Variants in MAK observed in about 807,000 individuals in gnomAD.
MAK encodes the protein male germ cell associated kinase, also known as serine/threonine-protein kinase MAK.
MAK carries 65 observed loss-of-function variants against 82.6 expected under a neutral mutation model. The ratio of observed to expected loss-of-function variants is 0.79; its 90% CI spans 0.64 to 0.97. The LOEUF is 0.97. MAK is among the 50% of genes least tolerant of loss of function. The probability of loss-of-function intolerance (pLI) is 0.00; values close to 1 mark genes in which losing one functional copy is unlikely to be tolerated. For synonymous variants in MAK, 250 were observed against 274.2 expected, an observed-to-expected ratio of 0.91 and a Z score of 0.87; for missense variants, 703 against 780.2, an observed-to-expected ratio of 0.90 and a Z score of 1.18.
At chr6:10,791,225 ATTTGTGT>A (rs1775050685) in intron 10 of MAK, among the ~76,000 whole-genome samples, 3 of 152,106 alleles carry the variant, frequency 2.0e-5, no homozygotes, top group Admixed American at 2.0e-4. Context: ...ATGTGGAAAG[ATTTGTGT>A]TTTGTGGAAG....
intron 2 of MAK, among the ~76,000 whole-genome samples, chr6:10,821,311 T>C (rs1444462115): frequency 6.6e-6 from 1 of 151,948 alleles, no homozygotes; most frequent in Non-Finnish European, 1.5e-5. Flanking sequence ...AGCCTCGCTC[T>C]GTCACCCAGG....
intron 10 of MAK, among the ~76,000 whole-genome samples, chr6:10,789,361 A>T (rs901224222): frequency 2.6e-5 from 4 of 152,078 alleles, no homozygotes; most frequent in Non-Finnish European, 5.9e-5. Context: ...AATACACATC[A>T]CTAACGCCTG....
intron 11 of MAK, chr6:10,779,247 G>A (rs1029523035): frequency 1.3e-6 from 1 of 761,526 alleles, no homozygotes; most frequent in African/African-American, 1.9e-5. Context: ...GAGACCAGAG[G>A]GCACTGCTGA....
At chr6:10,784,778 C>CCCGA in intron 10 of MAK, 1 of 684,354 alleles carries the variant, frequency 1.5e-6, no homozygotes, top group Non-Finnish European at 2.7e-6. Flanking sequence ...ATTTCTGATA[C>CCCGA]CAGTATGTGA....
chr6:10,766,739 G>A (rs1772472243), intron 14 of MAK, among the ~76,000 whole-genome samples: 1 of 152,154 alleles, frequency 6.6e-6, no homozygotes, highest in Non-Finnish European at 1.5e-5. Context: ...TATTCAGGGA[G>A]GGAAAAGGGA....
At chr6:10,819,060 T>G (rs1419525882) in intron 2 of MAK, 120 bp from the exon 3 acceptor site, 1 of 692,738 alleles carries the variant, frequency 1.4e-6, no homozygotes, top group Non-Finnish European at 2.7e-6. Flanking sequence ...TTCTCTGTCC[T>G]CATCCTTATA....
chr6:10,810,038 C>T (rs1776792064), intron 5 of MAK, among the ~76,000 whole-genome samples: 1 of 140,142 alleles, frequency 7.1e-6, no homozygotes, highest in Non-Finnish European at 1.5e-5. Flanking sequence ...GCGGAGGTTG[C>T]AGTGAGCTGA....
At chr6:10,784,931 T>A in intron 10 of MAK, 1 of 474,592 alleles carries the variant, frequency 2.1e-6, no homozygotes, top group Non-Finnish European at 4.2e-6. Flanking sequence ...TTGACTAAAA[T>A]AATTTACAAT....
chr6:10,818,662 C>A (rs1215071810), intron 3 of MAK, among the ~76,000 whole-genome samples: 1 of 150,880 alleles, frequency 6.6e-6, no homozygotes, highest in Non-Finnish European at 1.5e-5. Flanking sequence ...TTTTAAGATG[C>A]TCTTTTAAAA....
chr6:10,802,225 TG>T lies in MAK; in HGVS notation c.664-167del, dbSNP rs1275764271. On this transcript the variant is annotated intron_variant, in intron 7 of 14. Coordinates refer to ENST00000354489, the MANE Select transcript of MAK (RefSeq NM_001242957.3). ...ATACCAGACCACGTCTATAATTTAG[TG>T]CTACGACAGTATAGAAAGAACATTA... 2.3e-5 allele frequency: 14 copies of T among 599,474 alleles called. No individual in the cohort carries two copies. The Admixed American group carries it at 3.1e-4, about 13-fold the overall frequency. The allele number at this position is 599,474 out of a possible 1,614,324, so 37.1% of individuals were successfully genotyped here.
intron 1 of MAK, among the ~76,000 whole-genome samples, chr6:10,833,601 TC>T (rs1778963471): frequency 2.6e-5 from 3 of 116,056 alleles, no homozygotes; most frequent in Non-Finnish European, 5.2e-5. Flanking sequence ...CGAGACTCTG[TC>T]TCAAAATAAT....
At chr6:10,788,192 A>G (rs578108) in intron 10 of MAK, among the ~76,000 whole-genome samples, 127,623 of 151,406 alleles carry the variant, frequency 0.84, 54,211 homozygotes, top group African/African-American at 0.96. Flanking sequence ...GAGTTTTGCC[A>G]TATTGCCCAG....
At chr6:10,769,934 T>G in intron 14 of MAK, 177 bp downstream of exon 14, 5 of 1,225,426 alleles carry the variant, frequency 4.1e-6, no homozygotes, top group Non-Finnish European at 5.6e-6. Context: ...TATTAGACCC[T>G]CAAATCCTCA....
rs1383369492 is a variant in MAK, at chr6:10,773,119, G to T, written c.1598-11C>A. Reference sequence around the variant, plus strand: ...TAATTATGCTTTCTTCTAAAGAGAAGACAGATGGAAAGAAAGAATAATAGT... The same window carrying T: ...TAATTATGCTTTCTTCTAAAGAGAATACAGATGGAAAGAAAGAATAATAGT... On this transcript the variant is annotated splice_polypyrimidine_tract_variant and intron_variant, in intron 12 of 14. Coordinates refer to ENST00000354489, the MANE Select transcript of MAK (RefSeq NM_001242957.3). The T allele has an allele frequency of 7.1e-7, 1 of 1,402,068 alleles. No individual in the cohort carries two copies. The highest frequency in any genetic ancestry group is 2.0e-5 in the Admixed American group (1 of 49,308). 86.9% of individuals were successfully genotyped at this position (1,402,068 alleles called of 1,614,324 possible).
chr6:10,814,834 T>G (rs989338383), intron 4 of MAK, among the ~76,000 whole-genome samples: 2 of 152,154 alleles, frequency 1.3e-5, no homozygotes, highest in African/African-American at 4.8e-5. Flanking sequence ...GGTCAGGAGT[T>G]CGAGAGCAGC....
intron 8 of MAK, chr6:10,797,770 A>G: frequency 1.6e-6 from 2 of 1,240,554 alleles, no homozygotes; most frequent in South Asian, 2.8e-5. Context: ...GGCAGTTTTT[A>G]GAGGAACAGA....
intron 11 of MAK, among the ~76,000 whole-genome samples, chr6:10,780,984 T>G (rs1773916971): frequency 6.6e-6 from 1 of 152,138 alleles, no homozygotes; most frequent in African/African-American, 2.4e-5. Context: ...GCCCCAACCC[T>G]GGTCTTGATC....
At chr6:10,815,351 G>A (rs1021396564) in intron 4 of MAK, among the ~76,000 whole-genome samples, 5 of 151,708 alleles carry the variant, frequency 3.3e-5, no homozygotes, top group South Asian at 2.1e-4. Context: ...GGCTGGGTGC[G>A]GTGGCTCCCC....
chr6:10,817,148 G>A (rs1009553731), intron 4 of MAK, among the ~76,000 whole-genome samples: 1 of 152,042 alleles, frequency 6.6e-6, no homozygotes, highest in Non-Finnish European at 1.5e-5. Flanking sequence ...GTGTGTGTGT[G>A]TGTGTAAGAA....
Sources: allele counts gnomAD v4.1 joint callset (sites outside exome capture counted in the v4.1 genomes callset), GRCh38; gene constraint gnomAD v4.1.1; transcripts MANE v1.5; gene names NCBI Gene and HGNC (gene_info 2026-07-23, HGNC 2026-07-21).